NID2: variants seen among roughly 807,000 people sequenced by gnomAD.
NID2 encodes the protein nidogen-2.
In NID2, 83 loss-of-function variants were observed where a neutral mutation model predicts 145.4. The ratio of observed to expected loss-of-function variants is 0.57; its 90% CI spans 0.48 to 0.69. NID2 has a LOEUF of 0.69. NID2 is among the 30% of genes least tolerant of loss of function. The pLI is 0.00. For missense variants in NID2, 1,807 were observed against 1,765.7 expected (o/e 1.02, Z -0.42); for synonymous variants, 739 against 701.3 (o/e 1.05, Z -0.85).
chr14:52,065,482 T>TTTTTTTTATTTATTTA (rs1893164623), intron 2 of NID2, among the ~76,000 whole-genome samples: 4 of 132,982 alleles, frequency 3.0e-5, no homozygotes, highest in African/African-American at 1.2e-4. Context: ...CCCCTTTCTT[T>TTTTTTTTATTTATTTA]TTTATTTATT....
chr14:52,014,340 G>T lies in NID2; in HGVS notation c.3367C>A (p.Leu1123Ile), dbSNP rs956146287. 3 of 1,614,118 alleles carry T rather than the reference G, an allele frequency of 1.9e-6. No individual in the cohort carries two copies. Among genetic ancestry groups the T allele is most frequent in the Non-Finnish European group, 2.5e-6 (3 of 1,180,056 alleles). Residue 1123 changes from leucine to isoleucine, a missense_variant, in exon 16 of 22, where the codon CTC becomes ATC. Leu to Ile is a conservative substitution (Grantham distance 5, BLOSUM62 2). Coordinates refer to ENST00000216286, the MANE Select transcript of NID2 (RefSeq NM_007361.4). ...TQGQQIGYLP[L>I]NGTRLQKDAA... is the part of the protein sequence containing the mutation. Reference sequence around the variant, plus strand: ...TCCTTCTGAAGCCTGGTGCCATTGAGGGGTAAGTAGCCAATCTGCTGGCCC... The same window carrying T: ...TCCTTCTGAAGCCTGGTGCCATTGATGGGTAAGTAGCCAATCTGCTGGCCC...
intron 9 of NID2, among the ~76,000 whole-genome samples, chr14:52,030,968 G>A (rs1342383753): frequency 1.3e-5 from 2 of 152,242 alleles, no homozygotes; most frequent in Non-Finnish European, 2.9e-5. Flanking sequence ...ACATGGTGAG[G>A]AAAATACTAT....
Position 52,068,005 on chromosome 14 carries a change from G to A in NID2, c.387C>T (p.Ser129=), listed in dbSNP as rs567567357. ...GGGCGGCCAGGCCCAGCACTGCGGG[G>A]GAGGTGTCCTCTCGGTACAGGACTC... ...RGRVLYREDT[S]PAVLGLAARY... Residue 129 remains serine, a synonymous_variant, in exon 2 of 22, where the codon TCC becomes TCT. Coordinates refer to ENST00000216286, the MANE Select transcript of NID2 (RefSeq NM_007361.4). 2.5e-6 allele frequency: 4 copies of A among 1,612,560 alleles called. No individual in the cohort carries two copies. In the Admixed American group the frequency reaches 5.0e-5, roughly 20 times the overall value.
chr14:52,040,565 G>C, intron 8 of NID2, 86 bp downstream of exon 8: 1 of 1,126,828 alleles, frequency 8.9e-7, no homozygotes. Context: ...CTAAGGACAT[G>C]CCATGTAAGT....
At chr14:52,017,047 T>A (rs897557126) in intron 14 of NID2, among the ~76,000 whole-genome samples, 1 of 152,170 alleles carries the variant, frequency 6.6e-6, no homozygotes, top group Non-Finnish European at 1.5e-5. Flanking sequence ...CAAATGTGTC[T>A]CAAGGAACAC....
chr14:52,016,191 T>C (rs1473517403), intron 14 of NID2, among the ~76,000 whole-genome samples: 2 of 152,196 alleles, frequency 1.3e-5, no homozygotes, highest in Admixed American at 1.3e-4. Context: ...ATACAGGTTG[T>C]TCTGAGAAGA....
Position 52,006,670 on chromosome 14 carries a change from CAAAG to C in NID2, c.3881-14_3881-11del. ...TCCAGTTTTTTGGTTCCTTTTAAAA[CAAAG>C]GGGGAAAATGAGGTCCTTCAGCTGC... On this transcript the variant is annotated splice_polypyrimidine_tract_variant and intron_variant, in intron 19 of 21. Coordinates refer to ENST00000216286, the MANE Select transcript of NID2 (RefSeq NM_007361.4). 1 of 1,612,874 alleles carries C rather than the reference CAAAG, an allele frequency of 6.2e-7. No individual in the cohort carries two copies. Among genetic ancestry groups the C allele is most frequent in the Non-Finnish European group, 8.5e-7 (1 of 1,179,200 alleles).
intron 9 of NID2, among the ~76,000 whole-genome samples, chr14:52,037,363 G>C (rs535750034): frequency 5.9e-4 from 90 of 152,036 alleles, no homozygotes; most frequent in South Asian, 1.2e-3. Flanking sequence ...TTACATATGT[G>C]TACATGTGCC....
intron 12 of NID2, among the ~76,000 whole-genome samples, chr14:52,023,231 C>T (rs1339432744): frequency 6.6e-6 from 1 of 152,118 alleles, no homozygotes; most frequent in African/African-American, 2.4e-5. Context: ...AATCCCAGCA[C>T]TTTGGGAGGC....
chr14:52,010,962 G>A lies in NID2; in HGVS notation c.3636C>T (p.Ser1212=), dbSNP rs78334407. Residue 1212 remains serine (S), a synonymous_variant, in exon 18 of 22, where the codon AGC becomes AGT. Transcript: ENST00000216286. ...TGCGCTCAGAGCCATCCAGCAGGGC[G>A]CTCTCTATCTTATCCAGGACACTGT... ...WTDSVLDKIE[S]ALLDGSERKV... 42 of 1,614,076 alleles carry A rather than the reference G, an allele frequency of 2.6e-5. No individual in the cohort carries two copies. The highest frequency in any genetic ancestry group is 2.2e-4 in the South Asian group (20 of 91,080).
intron 3 of NID2, 43 bp from the exon 4 acceptor site, chr14:52,054,364 G>A: frequency 1.3e-6 from 2 of 1,567,682 alleles, no homozygotes; most frequent in South Asian, 2.4e-5. Context: ...TGTAACAAAA[G>A]TGTCCATTCA....
At chr14:52,038,673 TA>T (rs1595034079) in intron 9 of NID2, 73 bp downstream of exon 9, 2 of 1,215,520 alleles carry the variant, frequency 1.6e-6, no homozygotes, top group East Asian at 4.9e-5. Context: ...TAACCCTTAG[TA>T]ACCTCTGTGA....
At chr14:52,034,172 G>T (rs1026042739) in intron 9 of NID2, among the ~76,000 whole-genome samples, 5 of 152,062 alleles carry the variant, frequency 3.3e-5, no homozygotes, top group Non-Finnish European at 5.9e-5. Flanking sequence ...AAGAAAACAA[G>T]CAACTTGGTA....
chr14:52,042,727 A>C, intron 6 of NID2, 55 bp downstream of exon 6: 1 of 1,575,916 alleles, frequency 6.3e-7, no homozygotes, highest in African/African-American at 1.3e-5. Flanking sequence ...TGGTAGCTGG[A>C]AACAGGTAAG....
intron 16 of NID2, 93 bp downstream of exon 16, chr14:52,014,194 G>T: frequency 6.6e-7 from 1 of 1,526,550 alleles, no homozygotes; most frequent in Non-Finnish European, 9.1e-7. Context: ...GGACTTCCCT[G>T]CACCAGTCCA....
At chr14:52,018,504 T>C (rs977870354) in intron 14 of NID2, among the ~76,000 whole-genome samples, 2 of 152,216 alleles carry the variant, frequency 1.3e-5, no homozygotes, top group East Asian at 1.9e-4. Flanking sequence ...AGAAACCAGA[T>C]GTCTGTGCCT....
intron 14 of NID2, among the ~76,000 whole-genome samples, chr14:52,017,422 T>A (rs1290366649): frequency 1.3e-5 from 2 of 152,120 alleles, no homozygotes; most frequent in Admixed American, 1.3e-4. Context: ...GAGATAGCAG[T>A]TGGGGCCAAA....
At chr14:52,006,748 G>T in intron 19 of NID2, 88 bp from the exon 20 acceptor site, 1 of 1,387,228 alleles carries the variant, frequency 7.2e-7, no homozygotes, top group East Asian at 2.3e-5. Context: ...GTGATAGAAT[G>T]GGGAAATAGG....
chr14:52,012,007 T>A, intron 16 of NID2: 1 of 215,922 alleles, frequency 4.6e-6, no homozygotes, highest in Non-Finnish European at 9.3e-6. Context: ...TGGCATACAG[T>A]AAGCCCTTCA....
Sources: allele counts gnomAD v4.1 joint callset (sites outside exome capture counted in the v4.1 genomes callset), GRCh38; gene constraint gnomAD v4.1.1; transcripts MANE v1.5; gene names NCBI Gene and HGNC (gene_info 2026-07-23, HGNC 2026-07-21).